The following MEF2A variants were observed in gnomAD, a reference collection of about 807,000 sequenced individuals.
The protein encoded by MEF2A is myocyte-specific enhancer factor 2A.
MEF2A carries 28 observed loss-of-function variants against 55.8 expected under a neutral mutation model. The ratio of observed to expected loss-of-function variants is 0.50; its 90% CI spans 0.37 to 0.69. MEF2A has a LOEUF of 0.69. Ranked by LOEUF, MEF2A falls within the 30% of genes least tolerant of loss-of-function variation. The pLI, the probability that MEF2A is intolerant of heterozygous loss-of-function variation, is 0.00. For missense variants in MEF2A, 528 were observed against 626.2 expected, an observed-to-expected ratio of 0.84 and a Z score of 1.67; for synonymous variants, 239 against 227.1, an observed-to-expected ratio of 1.05 and a Z score of -0.47.
intron 7 of MEF2A, chr15:99,678,577 C>T (rs926918576): frequency 2.5e-6 from 2 of 785,760 alleles, no homozygotes; most frequent in South Asian, 1.2e-4. Context: ...GGCGAGTCTT[C>T]CATTTGCCTT....
At chr15:99,710,189 C>T (rs1431863566) in intron 10 of MEF2A, among the ~76,000 whole-genome samples, 1 of 152,184 alleles carries the variant, frequency 6.6e-6, no homozygotes, top group East Asian at 1.9e-4. Context: ...GGATTTTAGA[C>T]CCACATGTAT....
At chr15:99,594,670 A>G (rs1970561181) in intron 1 of MEF2A, among the ~76,000 whole-genome samples, 2 of 152,114 alleles carry the variant, frequency 1.3e-5, no homozygotes, top group Admixed American at 1.3e-4. Context: ...CCTAGTCACT[A>G]GTCATTTCAC....
At chr15:99,601,529 T>C (rs996609302) in intron 2 of MEF2A, among the ~76,000 whole-genome samples, 1 of 149,132 alleles carries the variant, frequency 6.7e-6, no homozygotes, top group South Asian at 2.1e-4. Flanking sequence ...TTTTTTTTTT[T>C]CGTTTTCACG....
intron 4 of MEF2A, among the ~76,000 whole-genome samples, chr15:99,666,443 G>T (rs149173870): frequency 6.6e-5 from 10 of 151,804 alleles, no homozygotes; most frequent in Non-Finnish European, 1.2e-4. Context: ...GTCAGGGAGT[G>T]GGGGGCTAGT....
chr15:99,684,425 A>T (rs187546514), intron 7 of MEF2A, among the ~76,000 whole-genome samples: 2 of 152,334 alleles, frequency 1.3e-5, no homozygotes, highest in African/African-American at 4.8e-5. Context: ...GTAAGGTGGT[A>T]TCTCATTGTG....
chr15:99,672,228 C>A (rs2051033244), intron 5 of MEF2A, among the ~76,000 whole-genome samples: 1 of 152,202 alleles, frequency 6.6e-6, no homozygotes, highest in Non-Finnish European at 1.5e-5. Flanking sequence ...AGCAACAATA[C>A]CACCAGACTT....
At chr15:99,609,978 A>G (rs1476074910) in intron 2 of MEF2A, among the ~76,000 whole-genome samples, 3 of 152,130 alleles carry the variant, frequency 2.0e-5, no homozygotes, top group East Asian at 1.9e-4. Context: ...AGCAAAGTAG[A>G]CAGCCACTTG....
At chr15:99,648,444 G>T (rs551804785) in intron 4 of MEF2A, among the ~76,000 whole-genome samples, 2 of 152,136 alleles carry the variant, frequency 1.3e-5, no homozygotes, top group Non-Finnish European at 2.9e-5. Flanking sequence ...TAAGCTTCTG[G>T]ACTCCTTAGC....
intron 4 of MEF2A, among the ~76,000 whole-genome samples, chr15:99,654,755 G>A (rs1175421399): frequency 6.6e-6 from 1 of 152,074 alleles, no homozygotes; most frequent in Non-Finnish European, 1.5e-5. Context: ...TGTGAACACA[G>A]CATCATATAA....
chr15:99,611,638 T>A (rs1017158658), intron 2 of MEF2A, among the ~76,000 whole-genome samples: 1 of 152,238 alleles, frequency 6.6e-6, no homozygotes, highest in Non-Finnish European at 1.5e-5. Flanking sequence ...TTAAATGTTG[T>A]TACCATATGA....
chr15:99,648,456 A>G (rs940458290), intron 4 of MEF2A, among the ~76,000 whole-genome samples: 1 of 152,158 alleles, frequency 6.6e-6, no homozygotes, highest in Non-Finnish European at 1.5e-5. Context: ...CTCCTTAGCC[A>G]TCTCATGTGG....
chr15:99,565,778 C>T (rs1316083282), upstream of MEF2A: 3 of 152,316 alleles, frequency 2.0e-5, no homozygotes, highest in Non-Finnish European at 2.9e-5. Context: ...CTTGTCTTTC[C>T]CATTCCAATT....
rs150100053 is a variant in MEF2A, at chr15:99,697,644, A to C, written c.859-5718A>C. Reference sequence around the variant, plus strand: ...GATTTCAAGACTCAGTATTGTCAAGATGTCATTTCTTCCCAGATTGATCTG... The same window carrying C: ...GATTTCAAGACTCAGTATTGTCAAGCTGTCATTTCTTCCCAGATTGATCTG... On this transcript the variant is annotated intron_variant, in intron 8 of 11. Transcript: ENST00000557942. 3.0e-3 allele frequency among the ~76,000 whole-genome samples: 457 copies of C among 152,348 alleles called. 4 individuals carry two copies. Among genetic ancestry groups the C allele is most frequent in the African/African-American group, 0.01 (426 of 41,572 alleles).
intron 4 of MEF2A, among the ~76,000 whole-genome samples, chr15:99,657,978 A>T (rs1445205043): frequency 6.6e-6 from 1 of 152,178 alleles, no homozygotes; most frequent in East Asian, 1.9e-4. Context: ...TCCTTTTTGA[A>T]GAAAGTCACC....
intron 1 of MEF2A, among the ~76,000 whole-genome samples, chr15:99,591,158 C>G (rs1969139468): frequency 6.6e-6 from 1 of 152,142 alleles, no homozygotes; most frequent in Admixed American, 6.6e-5. Context: ...ATGTACAGTT[C>G]TACCATTTTT....
chr15:99,611,802 TGTG>T (rs1398282370), intron 2 of MEF2A, among the ~76,000 whole-genome samples: 1 of 152,180 alleles, frequency 6.6e-6, no homozygotes, highest in Non-Finnish European at 1.5e-5. Flanking sequence ...GTAAATGAAA[TGTG>T]GTGTATCCAT....
chr15:99,596,384 C>CT (rs1217157355), intron 1 of MEF2A, among the ~76,000 whole-genome samples: 1 of 150,242 alleles, frequency 6.7e-6, no homozygotes, highest in Middle Eastern at 3.2e-3. Flanking sequence ...AAGTAAGCTC[C>CT]TTTTACCTTT....
intron 4 of MEF2A, among the ~76,000 whole-genome samples, chr15:99,669,887 T>G (rs2050519532): frequency 6.6e-6 from 1 of 152,244 alleles, no homozygotes; most frequent in South Asian, 2.1e-4. Context: ...TCTTTAGATC[T>G]AATTTAATCG....
rs565909300 is a variant in MEF2A at position 99,585,415 on chromosome 15, CT to C, written c.-224-13014del. On this transcript the variant is annotated intron_variant, in intron 1 of 11. Coordinates refer to ENST00000557942, the MANE Select transcript of MEF2A (RefSeq NM_001319206.4). Reference sequence around the variant, plus strand: ...TTTACTGACTTAAAGATATTGTTTCCTGTGAATTAGTATCTATTTATATGTT... The same window carrying C: ...TTTACTGACTTAAAGATATTGTTTCCGTGAATTAGTATCTATTTATATGTT... 4.0e-3 allele frequency among the ~76,000 whole-genome samples: 613 copies of C among 152,158 alleles called. 6 individuals are homozygous for C. The highest frequency in any genetic ancestry group is 0.014 in the African/African-American group (576 of 41,500).
Sources: gnomAD v4.1 joint callset for allele counts (sites outside exome capture counted in the v4.1 genomes callset) on GRCh38, gnomAD v4.1.1 for gene constraint, MANE v1.5 for transcripts, NCBI Gene and HGNC (gene_info 2026-07-23, HGNC 2026-07-21) for gene names.